Variants in NOX4 observed in about 807,000 individuals in gnomAD.
NOX4 encodes kidney oxidase-1.
NOX4 carries 69 observed loss-of-function variants against 87.6 expected under a neutral mutation model. The ratio of observed to expected loss-of-function variants is 0.79; its 90% CI spans 0.65 to 0.96. NOX4 has a LOEUF of 0.96. NOX4 is among the 40% of genes least tolerant of loss of function. The pLI is 0.00. For synonymous variants in NOX4, 275 were observed against 238.2 expected (o/e 1.15, Z -1.42); for missense variants, 680 against 681.5 (o/e 1.00, Z 0.02).
intron 13 of NOX4, among the ~76,000 whole-genome samples, chr11:89,353,718 A>G (rs556713563): frequency 1.3e-5 from 2 of 152,138 alleles, no homozygotes; most frequent in Non-Finnish European, 2.9e-5. Flanking sequence ...TACCCTCTTC[A>G]AGCAAAGGCA....
At chr11:89,481,757 C>T (rs1438481601) in intron 2 of NOX4, among the ~76,000 whole-genome samples, 1 of 152,020 alleles carries the variant, frequency 6.6e-6, no homozygotes, top group African/African-American at 2.4e-5. Context: ...ATAAAGAAAG[C>T]ATTTAACTAT....
chr11:89,582,262 T>A, the NOX4 span, among the ~76,000 whole-genome samples: 1 of 152,124 alleles, frequency 6.6e-6, no homozygotes, highest in East Asian at 1.9e-4. Context: ...ATATATTCCA[T>A]ATTTTCTTTA....
the NOX4 span, among the ~76,000 whole-genome samples, chr11:89,504,773 G>A: frequency 1.1e-4 from 16 of 151,970 alleles, no homozygotes; most frequent in East Asian, 2.3e-3. Context: ...CTCCAGTTTC[G>A]GAGGATTTAT....
chr11:89,552,495 C>T, the NOX4 span, among the ~76,000 whole-genome samples: 1 of 152,134 alleles, frequency 6.6e-6, no homozygotes. Flanking sequence ...ACTATTACAA[C>T]AGATTCTTCC....
intron 2 of NOX4, among the ~76,000 whole-genome samples, chr11:89,474,309 C>CT (rs1045976673): frequency 4.0e-5 from 6 of 151,864 alleles, no homozygotes; most frequent in South Asian, 2.1e-4. Flanking sequence ...CAAATTTAAT[C>CT]TTTTTTTTCT....
intron 2 of NOX4, among the ~76,000 whole-genome samples, chr11:89,471,587 A>G (rs1565333297): frequency 6.6e-6 from 1 of 152,230 alleles, no homozygotes; most frequent in Non-Finnish European, 1.5e-5. Context: ...CTAGGTTCAT[A>G]TCATTAATAA....
At chr11:89,336,679 A>C (rs1945729146) in intron 16 of NOX4, among the ~76,000 whole-genome samples, 1 of 151,940 alleles carries the variant, frequency 6.6e-6, no homozygotes, top group Non-Finnish European at 1.5e-5. Flanking sequence ...TTCATACCTT[A>C]ATTATCGCAA....
chr11:89,444,522 C>T (rs956817394), intron 4 of NOX4, among the ~76,000 whole-genome samples: 1 of 101,502 alleles, frequency 9.9e-6, no homozygotes, highest in Non-Finnish European at 1.9e-5. Flanking sequence ...CCCTAACACA[C>T]ATACACACAC....
chr11:89,542,558 A>G, the NOX4 span, among the ~76,000 whole-genome samples: 1 of 152,140 alleles, frequency 6.6e-6, no homozygotes, highest in Non-Finnish European at 1.5e-5. Flanking sequence ...TTCTGTCCGG[A>G]ATACAAATCC....
chr11:89,419,258 T>C (rs1942958154), intron 8 of NOX4, among the ~76,000 whole-genome samples: 1 of 152,056 alleles, frequency 6.6e-6, no homozygotes, highest in Non-Finnish European at 1.5e-5. Context: ...AACAGAAATT[T>C]CAATATAAAT....
intron 4 of NOX4, among the ~76,000 whole-genome samples, chr11:89,446,306 G>A (rs192270742): frequency 6.6e-5 from 10 of 152,082 alleles, no homozygotes; most frequent in African/African-American, 2.4e-4. Flanking sequence ...TGAGTTTGGT[G>A]GTTTCTTAAA....
At chr11:89,352,574 T>C (rs1319983799) in intron 13 of NOX4, among the ~76,000 whole-genome samples, 1 of 152,188 alleles carries the variant, frequency 6.6e-6, no homozygotes, top group Non-Finnish European at 1.5e-5. Context: ...GAAGTCATAA[T>C]ATCAACATTA....
chr11:89,580,376 C>T, the NOX4 span, among the ~76,000 whole-genome samples: 16 of 152,102 alleles, frequency 1.1e-4, no homozygotes, highest in African/African-American at 3.9e-4. Flanking sequence ...GAGATGAGGT[C>T]TCACTATGTT....
the NOX4 span, among the ~76,000 whole-genome samples, chr11:89,582,215 A>G: frequency 1.3e-5 from 2 of 152,120 alleles, no homozygotes; most frequent in East Asian, 3.9e-4. Flanking sequence ...GCTGAGTAAT[A>G]TTCCATTTTA....
intron 7 of NOX4, among the ~76,000 whole-genome samples, chr11:89,425,078 T>C (rs1178335550): frequency 3.3e-5 from 5 of 152,112 alleles, no homozygotes; most frequent in Non-Finnish European, 5.9e-5. Flanking sequence ...TTTTATTCCA[T>C]TTGACAAAAC....
chr11:89,534,810 C>T, the NOX4 span, among the ~76,000 whole-genome samples: 1 of 152,174 alleles, frequency 6.6e-6, no homozygotes, highest in Non-Finnish European at 1.5e-5. Flanking sequence ...GCTTGGCTGT[C>T]GTACTGGATT....
intron 12 of NOX4, among the ~76,000 whole-genome samples, chr11:89,359,650 C>T (rs1263850791): frequency 6.6e-6 from 1 of 151,926 alleles, no homozygotes; most frequent in Non-Finnish European, 1.5e-5. Context: ...TTAACAGCAA[C>T]CTAAGAAAGA....
chr11:89,461,851 C>T (rs368876540), intron 2 of NOX4, among the ~76,000 whole-genome samples: 198 of 151,990 alleles, frequency 1.3e-3, no homozygotes, highest in South Asian at 9.5e-3. Flanking sequence ...CTAATGTTTG[C>T]GTTACCCATC....
At chr11:89,518,448 T>C in the NOX4 span, among the ~76,000 whole-genome samples, 1 of 151,998 alleles carries the variant, frequency 6.6e-6, no homozygotes, top group Non-Finnish European at 1.5e-5. Flanking sequence ...AGAATTAGTA[T>C]CTATTCAGAC....
Sources: allele counts gnomAD v4.1 joint callset (sites outside exome capture counted in the v4.1 genomes callset), GRCh38; gene constraint gnomAD v4.1.1; transcripts MANE v1.5; gene names NCBI Gene and HGNC (gene_info 2026-07-23, HGNC 2026-07-21).